CREB1: variants seen among roughly 807,000 people sequenced by gnomAD.
CREB1 encodes the protein cyclic AMP-responsive element-binding protein 1.
In CREB1, 2 loss-of-function variants were observed where a neutral mutation model predicts 42.0. That is an observed-to-expected ratio of 0.05 (90% CI 0.02 to 0.15). The LOEUF is 0.15. Ranked by LOEUF, CREB1 falls within the 10% of genes least tolerant of loss-of-function variation. The pLI is 1.00. For synonymous variants in CREB1, 123 were observed against 139.9 expected, an observed-to-expected ratio of 0.88 and a Z score of 0.85; for missense variants, 199 against 388.9, an observed-to-expected ratio of 0.51 and a Z score of 4.11.
At chr2:207,572,618 C>T (rs1252947282) in intron 5 of CREB1, among the ~76,000 whole-genome samples, 1 of 152,084 alleles carries the variant, frequency 6.6e-6, no homozygotes, top group Non-Finnish European at 1.5e-5. Context: ...AATTATCGAC[C>T]ATCCTGGCTA....
In CREB1 at chr2:207,603,551, G is replaced by A. The variant is rs1161625312; in HGVS notation, c.*6493G>A. 4.5e-6 allele frequency: 1 copy of A among 223,486 alleles called. No individual in the cohort carries two copies. The highest frequency in any genetic ancestry group is 2.2e-5 in the African/African-American group (1 of 44,776). 13.8% of individuals were successfully genotyped at this position (223,486 alleles called of 1,614,324 possible). On this transcript the variant is annotated 3_prime_UTR_variant, in exon 8 of 8. Coordinates refer to ENST00000353267, the MANE Select transcript of CREB1 (RefSeq NM_004379.5). ...ATATATTACAAGCTTGTGTTGGAAG[G>A]CAGCAAAACTAATTCAGACAACAAC... is the stretch of plus-strand genomic sequence containing the variant.
At chr2:207,560,036 A>G (rs1047336214) in intron 2 of CREB1, among the ~76,000 whole-genome samples, 190 bp from the exon 3 acceptor site, 3 of 152,182 alleles carry the variant, frequency 2.0e-5, no homozygotes, top group African/African-American at 7.2e-5. Flanking sequence ...GGATAGGGGT[A>G]TAGTTTTTGG....
intron 1 of CREB1, among the ~76,000 whole-genome samples, chr2:207,536,104 T>C (rs920866149): frequency 6.6e-6 from 1 of 152,154 alleles, no homozygotes; most frequent in African/African-American, 2.4e-5. Context: ...TGAGCCACCA[T>C]GCCCGAATGC....
chr2:207,540,806 GT>G (rs1351237413), intron 1 of CREB1, among the ~76,000 whole-genome samples: 1 of 150,586 alleles, frequency 6.6e-6, no homozygotes, highest in Non-Finnish European at 1.5e-5. Context: ...ATTTATTTGT[GT>G]TTTAAGCTAT....
chr2:207,531,421 G>A (rs887801379), intron 1 of CREB1, among the ~76,000 whole-genome samples: 3 of 152,170 alleles, frequency 2.0e-5, no homozygotes, highest in African/African-American at 7.2e-5. Context: ...TAAGCCACAA[G>A]CTGTATTTTT....
rs762266836 is a variant in CREB1 at position 207,597,324 on chromosome 2, G to T, written c.*266G>T. Reference sequence around the variant, plus strand: ...GCTTTTCAACCCCCACCCTCCTCAAGAAGTAATAATTTGTTTACTTGTAAA... The same window carrying T: ...GCTTTTCAACCCCCACCCTCCTCAATAAGTAATAATTTGTTTACTTGTAAA... On this transcript the variant is annotated 3_prime_UTR_variant, in exon 8 of 8. Coordinates refer to ENST00000353267, the MANE Select transcript of CREB1 (RefSeq NM_004379.5). The T allele has an allele frequency of 2.8e-5, 10 of 357,494 alleles. No individual in the cohort carries two copies. Among genetic ancestry groups the T allele is most frequent in the African/African-American group, 8.5e-5 (4 of 47,332 alleles). 22.1% of individuals were successfully genotyped at this position (357,494 alleles called of 1,614,324 possible).
chr2:207,580,640 A>G (rs146101991), intron 7 of CREB1: 3 of 219,642 alleles, frequency 1.4e-5, no homozygotes, highest in African/African-American at 6.7e-5. Context: ...ATTCATCACT[A>G]TCCAAATTGC....
At chr2:207,577,443 T>C (rs2082639546) in intron 6 of CREB1, 62 bp from the exon 7 acceptor site, 4 of 1,574,410 alleles carry the variant, frequency 2.5e-6, no homozygotes, top group East Asian at 2.3e-5. Context: ...TGATGATTGA[T>C]ACACATAATT....
chr2:207,534,312 C>T (rs2080776418), intron 1 of CREB1, among the ~76,000 whole-genome samples: 4 of 152,170 alleles, frequency 2.6e-5, no homozygotes, highest in Non-Finnish European at 4.4e-5. Context: ...TCTCAGCTCA[C>T]GGCAACCTCT....
chr2:207,560,428 C>A, intron 3 of CREB1, 56 bp downstream of exon 3: 1 of 1,530,288 alleles, frequency 6.5e-7, no homozygotes, highest in Admixed American at 1.8e-5. Flanking sequence ...ATAGCCATAT[C>A]TCTCTCCTTT....
chr2:207,533,876 G>A lies in CREB1; in HGVS notation c.-9+3742G>A, dbSNP rs372530439. On this transcript the variant is annotated intron_variant, in intron 1 of 7. Coordinates refer to ENST00000353267, the MANE Select transcript of CREB1 (RefSeq NM_004379.5). ...AGGTCTGAATCCAAGCATTGCCACTGCTATCCTGTACCCACCCTAAAGGAA... is the reference window on the plus strand; with the variant it reads ...AGGTCTGAATCCAAGCATTGCCACTACTATCCTGTACCCACCCTAAAGGAA... Among the ~76,000 whole-genome samples the A allele has an allele frequency of 3.3e-5, 5 of 152,180 alleles. No homozygotes were observed. The East Asian group carries it at 7.7e-4, about 23-fold the overall frequency.
At chr2:207,557,378 A>G (rs1010573864) in intron 2 of CREB1, among the ~76,000 whole-genome samples, 6 of 152,118 alleles carry the variant, frequency 3.9e-5, no homozygotes, top group Non-Finnish European at 8.8e-5. Context: ...TAAAGATAGC[A>G]TGTTATAAAA....
intron 7 of CREB1, among the ~76,000 whole-genome samples, chr2:207,586,489 C>T (rs2083864041): frequency 6.6e-6 from 1 of 152,174 alleles, no homozygotes; most frequent in South Asian, 2.1e-4. Context: ...GGAAATGCTT[C>T]CTGACATTAG....
chr2:207,563,852 G>C (rs183788039), intron 3 of CREB1, among the ~76,000 whole-genome samples: 1,545 of 152,234 alleles, frequency 0.01, 17 homozygotes, highest in Non-Finnish European at 0.015. Context: ...GCTAAGGCAC[G>C]AGAATCACTT....
intron 7 of CREB1, among the ~76,000 whole-genome samples, chr2:207,588,222 G>T (rs547010794): frequency 7.9e-5 from 12 of 152,256 alleles, no homozygotes; most frequent in African/African-American, 2.9e-4. Flanking sequence ...TTTTGTATAA[G>T]GTGTGAGGAT....
At chr2:207,537,251 A>T (rs1322756760) in intron 1 of CREB1, among the ~76,000 whole-genome samples, 2 of 151,780 alleles carry the variant, frequency 1.3e-5, no homozygotes, top group Non-Finnish European at 2.9e-5. Context: ...GTTGGCCAGG[A>T]TGGTCTCGAT....
intron 6 of CREB1, chr2:207,577,258 CATTCA>C: frequency 9.4e-7 from 1 of 1,065,214 alleles, no homozygotes; most frequent in Non-Finnish European, 1.2e-6. Context: ...AATAGAACTG[CATTCA>C]AATGAAAAAT....
intron 7 of CREB1, among the ~76,000 whole-genome samples, chr2:207,595,337 A>G (rs2085934153): frequency 6.6e-6 from 1 of 151,842 alleles, no homozygotes; most frequent in African/African-American, 2.4e-5. Context: ...ATCTCTGGAG[A>G]AATCTCTGTT....
intron 5 of CREB1, 120 bp downstream of exon 5, chr2:207,570,441 C>A: frequency 2.1e-6 from 2 of 936,712 alleles, no homozygotes; most frequent in Non-Finnish European, 3.1e-6. Context: ...GTTTTGCTGC[C>A]ATTATTATAT....
Sources: allele counts gnomAD v4.1 joint callset (sites outside exome capture counted in the v4.1 genomes callset), GRCh38; gene constraint gnomAD v4.1.1; transcripts MANE v1.5; gene names NCBI Gene and HGNC (gene_info 2026-07-23, HGNC 2026-07-21).